ATP5F1E: variants seen among roughly 807,000 people sequenced by gnomAD.
ATP5F1E encodes ATP synthase F(1) complex subunit epsilon, mitochondrial.
ATP5F1E carries 5 observed loss-of-function variants against 7.0 expected under a neutral mutation model. The observed-to-expected ratio is 0.71, with a 90% CI of 0.37 to 1.49. The LOEUF is 1.49. Ranked by LOEUF, ATP5F1E falls within the 40% of genes most tolerant of loss-of-function variation. The probability of loss-of-function intolerance (pLI) is 0.03; values close to 1 mark genes in which losing one functional copy is unlikely to be tolerated. For synonymous variants in ATP5F1E, 20 were observed against 20.1 expected (o/e 0.99, Z 0.02); for missense variants, 59 against 57.1 (o/e 1.03, Z -0.11).
chr20:59,030,165 A>T, intron 2 of ATP5F1E, 138 bp downstream of exon 2: 1 of 1,185,036 alleles, frequency 8.4e-7, no homozygotes, highest in Non-Finnish European at 1.2e-6. Flanking sequence ...CATGCTTTAA[A>T]TTATACCATC....
chr20:59,028,998 T>C (rs977597720), intron 2 of ATP5F1E, 157 bp from the exon 3 acceptor site: 2 of 153,868 alleles, frequency 1.3e-5, no homozygotes, highest in African/African-American at 4.8e-5. Context: ...CTGGTTCAAG[T>C]ACACAGGCTT....
intron 2 of ATP5F1E, chr20:59,029,912 A>G: frequency 3.8e-6 from 1 of 263,620 alleles, no homozygotes; most frequent in Non-Finnish European, 7.4e-6. Context: ...ATAAAAATGT[A>G]AAGAACTGTA....
At chr20:59,028,910 A>G (rs754102942) in intron 2 of ATP5F1E, 69 bp from the exon 3 acceptor site, 2 of 166,042 alleles carry the variant, frequency 1.2e-5, no homozygotes, top group South Asian at 2.1e-4. Flanking sequence ...CAACATGAAT[A>G]TAAGAAATAA....
At position 59,028,335 on chromosome 20, in the gene ATP5F1E, TACAAA is replaced by T. The variant is rs757867832; in HGVS notation, c.*505_*509del. On this transcript the variant is annotated 3_prime_UTR_variant, in exon 3 of 3. Transcript: ENST00000243997. ...TTATCTATAGGCTTTAAGTGCACAA[TACAAA>T]ACAAGTACAATTTAGTATTTCTTCT... 3.9e-5 allele frequency: 6 copies of T among 152,358 alleles called. No individual in the cohort carries two copies. The highest frequency in any genetic ancestry group is 4.1e-4 in the South Asian group (2 of 4,830). The allele number at this position is 152,358 out of a possible 1,614,324, so 9.4% of individuals were successfully genotyped here.
Position 59,027,649 on chromosome 20 carries a change from T to C in ATP5F1E, c.*1196A>G, listed in dbSNP as rs2146380538. On this transcript the variant is annotated 3_prime_UTR_variant, in exon 3 of 3. Transcript: ENST00000243997. ...AGCACTGAACTGAGGTGCCCTAACTTGCCAACAGCAGGATGACAGCTCCGA... is the reference window on the plus strand; with the variant it reads ...AGCACTGAACTGAGGTGCCCTAACTCGCCAACAGCAGGATGACAGCTCCGA... 6.6e-6 allele frequency: 1 copy of C among 152,318 alleles called. No individual in the cohort carries two copies. Among genetic ancestry groups the C allele is most frequent in the South Asian group, 2.1e-4 (1 of 4,826 alleles). The allele number at this position is 152,318 out of a possible 1,614,324, so 9.4% of individuals were successfully genotyped here.
intron 1 of ATP5F1E, 147 bp downstream of exon 1, chr20:59,032,073 G>C (rs1192982647): frequency 8.7e-7 from 1 of 1,152,284 alleles, no homozygotes; most frequent in Admixed American, 2.2e-5. Flanking sequence ...TTTGCCCACA[G>C]CGACGCCATC....
In ATP5F1E at chr20:59,027,759, T is replaced by A. The variant is rs2092002165; in HGVS notation, c.*1086A>T. 6.6e-6 allele frequency: 1 copy of A among 152,224 alleles called. No homozygotes were observed. Among genetic ancestry groups the A allele is most frequent in the Non-Finnish European group, 1.5e-5 (1 of 68,042 alleles). The allele number at this position is 152,224 out of a possible 1,614,324, so 9.4% of individuals were successfully genotyped here. A position where few individuals can be genotyped will look rare whatever the true frequency, so the allele number is the denominator to read the frequency against. ...ATTGGCTCTGCCTCCCTGCTCGCTC[T>A]GTGCTGAGAATTCAGTAAAACCTAC... On this transcript the variant is annotated 3_prime_UTR_variant, in exon 3 of 3. Transcript: ENST00000243997.
Position 59,028,133 on chromosome 20 carries a change from C to T in ATP5F1E, c.*712G>A, listed in dbSNP as rs1194260387. Reference sequence around the variant, plus strand: ...ACCACGAAACTGCTGTTGTGGTCACCGTGTCCCAGACTTGCAGTCAAAACT... The same window carrying T: ...ACCACGAAACTGCTGTTGTGGTCACTGTGTCCCAGACTTGCAGTCAAAACT... On this transcript the variant is annotated 3_prime_UTR_variant, in exon 3 of 3. Coordinates refer to ENST00000243997, the MANE Select transcript of ATP5F1E (RefSeq NM_006886.4). 3.3e-5 allele frequency: 5 copies of T among 152,184 alleles called. No homozygotes were observed. The highest frequency in any genetic ancestry group is 1.2e-4 in the African/African-American group (5 of 41,424). The allele number at this position is 152,184 out of a possible 1,614,324, so 9.4% of individuals were successfully genotyped here. A position where few individuals can be genotyped will look rare whatever the true frequency, so the allele number is the denominator to read the frequency against.
At chr20:59,030,133 G>C in intron 2 of ATP5F1E, 170 bp downstream of exon 2, 1 of 747,490 alleles carries the variant, frequency 1.3e-6, no homozygotes. Context: ...TTTTTATTAG[G>C]CCAGGGGACT....
intron 1 of ATP5F1E, 108 bp from the exon 2 acceptor site, chr20:59,030,537 T>C: frequency 7.2e-7 from 1 of 1,381,208 alleles, no homozygotes; most frequent in Non-Finnish European, 1.0e-6. Flanking sequence ...GGTTTGGTTG[T>C]ACCTTATTGT....
rs2092036364 is a variant in ATP5F1E, at chr20:59,032,166, G to A, written c.32+54C>T. On this transcript the variant is annotated intron_variant, in intron 1 of 2. Coordinates refer to ENST00000243997, the MANE Select transcript of ATP5F1E (RefSeq NM_006886.4). ...GTGTCCTGCATGACCTCTGGGCACC[G>A]GGATGCGCGCGGGCCGGCTCGCGAA... is the stretch of plus-strand genomic sequence containing the variant. The A allele has an allele frequency of 1.0e-5, 16 of 1,564,586 alleles. No homozygotes were observed. The Middle Eastern group carries it at 1.3e-3, about 123-fold the overall frequency.
At position 59,027,754 on chromosome 20, in the gene ATP5F1E, C is replaced by G. The variant is rs536658361; in HGVS notation, c.*1091G>C. On this transcript the variant is annotated 3_prime_UTR_variant, in exon 3 of 3. Coordinates refer to ENST00000243997, the MANE Select transcript of ATP5F1E (RefSeq NM_006886.4). ...ACTCAATTGGCTCTGCCTCCCTGCT[C>G]GCTCTGTGCTGAGAATTCAGTAAAA... 1 of 152,202 alleles carries G rather than the reference C, an allele frequency of 6.6e-6. No homozygotes were observed. Among genetic ancestry groups the G allele is most frequent in the Non-Finnish European group, 1.5e-5 (1 of 68,056 alleles). The allele number at this position is 152,202 out of a possible 1,614,324, so 9.4% of individuals were successfully genotyped here. A position where few individuals can be genotyped will look rare whatever the true frequency, so the allele number is the denominator to read the frequency against.
At chr20:59,032,132 C>T (rs959346320) in intron 1 of ATP5F1E, 88 bp downstream of exon 1, 9 of 1,521,224 alleles carry the variant, frequency 5.9e-6, no homozygotes, top group Admixed American at 2.0e-5. Context: ...CGCGTGGGGC[C>T]GCTGCTCTGT....
At chr20:59,030,867 T>A (rs908134901) in intron 1 of ATP5F1E, among the ~76,000 whole-genome samples, 6 of 152,236 alleles carry the variant, frequency 3.9e-5, no homozygotes, top group African/African-American at 1.2e-4. Flanking sequence ...AAGAGAAAAC[T>A]ATTTTGAATT....
In ATP5F1E at chr20:59,026,252, T is replaced by C. The variant is rs537651034; in HGVS notation, c.*2593A>G. 2.0e-5 allele frequency: 3 copies of C among 152,324 alleles called. No homozygotes were observed. The highest frequency in any genetic ancestry group is 7.2e-5 in the African/African-American group (3 of 41,562). The allele number at this position is 152,324 out of a possible 1,614,324, so 9.4% of individuals were successfully genotyped here. ...AAGAGAAAAATACCTTGCCATCGGATCATCAACAAGTCTTCTATTTACAAA... is the reference window on the plus strand; with the variant it reads ...AAGAGAAAAATACCTTGCCATCGGACCATCAACAAGTCTTCTATTTACAAA... On this transcript the variant is annotated 3_prime_UTR_variant, in exon 3 of 3. Coordinates refer to ENST00000243997, the MANE Select transcript of ATP5F1E (RefSeq NM_006886.4).
At chr20:59,031,340 A>G (rs1018821511) in intron 1 of ATP5F1E, among the ~76,000 whole-genome samples, 2 of 152,218 alleles carry the variant, frequency 1.3e-5, no homozygotes, top group African/African-American at 4.8e-5. Context: ...GTGAAAAAGT[A>G]TGGATCACAG....
rs959014841 is a variant in ATP5F1E, at chr20:59,026,666, G to A, written c.*2179C>T. ...TTCTTGAAGCCTAACCATCCAGACT[G>A]AGTAGTTAAAAATATTTAGAAATGC... On this transcript the variant is annotated 3_prime_UTR_variant, in exon 3 of 3. Transcript: ENST00000243997. The A allele has an allele frequency of 5.3e-5, 8 of 152,174 alleles. No homozygotes were observed. The highest frequency in any genetic ancestry group is 1.5e-5 in the Non-Finnish European group (1 of 68,022). The allele number at this position is 152,174 out of a possible 1,614,324, so 9.4% of individuals were successfully genotyped here.
chr20:59,026,852 A>C lies in ATP5F1E; in HGVS notation c.*1993T>G, dbSNP rs1410514776. 2 of 152,246 alleles carry C rather than the reference A, an allele frequency of 1.3e-5. No individual in the cohort carries two copies. Among genetic ancestry groups the C allele is most frequent in the Non-Finnish European group, 2.9e-5 (2 of 68,052 alleles). The allele number at this position is 152,246 out of a possible 1,614,324, so 9.4% of individuals were successfully genotyped here. Reference sequence around the variant, plus strand: ...CTCTCAGAGCAGCAGCATCACCGAAATTTAGAGCTTATCCGATTCCTTCAC... The same window carrying C: ...CTCTCAGAGCAGCAGCATCACCGAACTTTAGAGCTTATCCGATTCCTTCAC... On this transcript the variant is annotated 3_prime_UTR_variant, in exon 3 of 3. Coordinates refer to ENST00000243997, the MANE Select transcript of ATP5F1E (RefSeq NM_006886.4).
At chr20:59,029,235 C>G (rs1309663951) in intron 2 of ATP5F1E, 1 of 152,184 alleles carries the variant, frequency 6.6e-6, no homozygotes. Flanking sequence ...TCTGGCAGCT[C>G]TGAGCCGAGT....
Sources: allele counts gnomAD v4.1 joint callset (sites outside exome capture counted in the v4.1 genomes callset), GRCh38; gene constraint gnomAD v4.1.1; transcripts MANE v1.5; gene names NCBI Gene and HGNC (gene_info 2026-07-23, HGNC 2026-07-21).